Variants in UHRF2 observed in about 807,000 individuals in gnomAD.
UHRF2 encodes E3 ubiquitin-protein ligase UHRF2.
Under a neutral mutation model 96.8 loss-of-function variants are expected in UHRF2, and 23 were observed. The observed-to-expected ratio is 0.24, with a 90% CI of 0.17 to 0.34. The LOEUF (loss-of-function observed/expected upper bound fraction) is 0.34. Among genes scored for constraint, UHRF2 ranks in the 10% least tolerant of loss-of-function variants. The pLI is 1.00. For missense variants in UHRF2, 685 were observed against 981.5 expected, an observed-to-expected ratio of 0.70 and a Z score of 4.04; for synonymous variants, 385 against 332.6, an observed-to-expected ratio of 1.16 and a Z score of -1.72.
intron 4 of UHRF2, chr9:6,468,594 AGTC>A (rs1435610976): frequency 2.2e-6 from 1 of 455,936 alleles, no homozygotes; most frequent in Non-Finnish European, 4.4e-6. Flanking sequence ...GGATGGAAAA[AGTC>A]AGCAGAGTTT....
At chr9:6,426,521 G>A (rs759739548) in intron 2 of UHRF2, among the ~76,000 whole-genome samples, 1 of 152,066 alleles carries the variant, frequency 6.6e-6, no homozygotes, top group Non-Finnish European at 1.5e-5. Context: ...TACTTTTTGG[G>A]GGATGAACCT....
chr9:6,422,467 T>G (rs1046593476), intron 2 of UHRF2, among the ~76,000 whole-genome samples: 1 of 152,238 alleles, frequency 6.6e-6, no homozygotes, highest in Non-Finnish European at 1.5e-5. Context: ...TACAAAAAAC[T>G]GTAGAAATAG....
chr9:6,413,419 C>G lies in UHRF2; in HGVS notation c.-72C>G, dbSNP rs1436204626. 3.1e-6 allele frequency: 4 copies of G among 1,294,984 alleles called. No individual in the cohort carries two copies. The highest frequency in any genetic ancestry group is 3.0e-5 in the East Asian group (1 of 33,768). The allele number at this position is 1,294,984 out of a possible 1,614,324, so 80.2% of individuals were successfully genotyped here. On this transcript the variant is annotated 5_prime_UTR_variant, in exon 1 of 16. Coordinates refer to ENST00000276893, the MANE Select transcript of UHRF2 (RefSeq NM_152896.3). ...GGCCCGAGCCGCAGGGAAAGCGGCG[C>G]GGGCCGGGCGGGGCGCGGCGCCCAG...
intron 3 of UHRF2, among the ~76,000 whole-genome samples, chr9:6,443,631 T>G (rs906274813): frequency 1.3e-5 from 2 of 152,240 alleles, no homozygotes; most frequent in African/African-American, 4.8e-5. Flanking sequence ...AAGTTCTTTT[T>G]CTTGTCCATA....
intron 2 of UHRF2, 58 bp from the exon 3 acceptor site, chr9:6,433,856 G>A: frequency 6.4e-7 from 1 of 1,550,594 alleles, no homozygotes. Flanking sequence ...GTTACATTAA[G>A]GTTTTTGAAG....
intron 3 of UHRF2, 95 bp from the exon 4 acceptor site, chr9:6,460,478 G>A: frequency 1.9e-6 from 2 of 1,036,540 alleles, no homozygotes; most frequent in Non-Finnish European, 2.8e-6. Context: ...CTTTCTCTTA[G>A]ATGATTAACT....
chr9:6,441,340 C>G (rs1217481811), intron 3 of UHRF2, among the ~76,000 whole-genome samples: 18 of 151,680 alleles, frequency 1.2e-4, no homozygotes. Context: ...TGCCATTGTA[C>G]TCCAGCTTGG....
rs191868559 is a variant in UHRF2 at position 6,477,481 on chromosome 9, A to C, written c.974-141A>C. ...GCAGAGGCTGCAGTGAGCCAAGATC[A>C]CGCCATTGCACTCCAGCCTGGGTAA... On this transcript the variant is annotated intron_variant, in intron 5 of 15. Coordinates refer to ENST00000276893, the MANE Select transcript of UHRF2 (RefSeq NM_152896.3). 265 of 670,370 alleles carry C rather than the reference A, an allele frequency of 4.0e-4. 2 individuals are homozygous for C. In the African/African-American group the frequency reaches 4.5e-3, roughly 11 times the overall value. The allele number at this position is 670,370 out of a possible 1,614,324, so 41.5% of individuals were successfully genotyped here.
At chr9:6,448,438 A>T (rs1821651750) in intron 3 of UHRF2, among the ~76,000 whole-genome samples, 1 of 152,218 alleles carries the variant, frequency 6.6e-6, no homozygotes, top group Admixed American at 6.5e-5. Context: ...GTCTCTGTTA[A>T]GTGTATGGAT....
intron 14 of UHRF2, 80 bp from the exon 15 acceptor site, chr9:6,504,513 T>C (rs527779126): frequency 1.1e-6 from 1 of 889,618 alleles, no homozygotes; most frequent in Admixed American, 2.4e-5. Context: ...CTAGCTGTTT[T>C]GAAATACACA....
At chr9:6,446,186 C>G (rs1360127619) in intron 3 of UHRF2, among the ~76,000 whole-genome samples, 3 of 150,506 alleles carry the variant, frequency 2.0e-5, no homozygotes, top group Admixed American at 6.6e-5. Flanking sequence ...CAGTCTTGCT[C>G]TGTCACCAGG....
At chr9:6,497,495 C>G in intron 11 of UHRF2, 135 bp downstream of exon 11, 1 of 971,376 alleles carries the variant, frequency 1.0e-6, no homozygotes, top group Non-Finnish European at 1.5e-6. Context: ...GGAAATTGAA[C>G]AGATGCATAA....
Position 6,502,388 on chromosome 9 carries a change from T to C in UHRF2, c.2163+1679T>C, listed in dbSNP as rs1045992726. Among the ~76,000 whole-genome samples, 4 of 152,344 alleles carry C rather than the reference T, an allele frequency of 2.6e-5. No individual in the cohort carries two copies. In the East Asian group the frequency reaches 7.7e-4, roughly 29 times the overall value. On this transcript the variant is annotated intron_variant, in intron 14 of 15. Coordinates refer to ENST00000276893, the MANE Select transcript of UHRF2 (RefSeq NM_152896.3). ...CTCACTCTTTCATATCCTTTAAGTCTGTATAAATAGATTCCTCAGAGAGAT... is the reference window on the plus strand; with the variant it reads ...CTCACTCTTTCATATCCTTTAAGTCCGTATAAATAGATTCCTCAGAGAGAT...
chr9:6,451,462 TTTTGTTTTTTTTTTTTG>T (rs1821855034), intron 3 of UHRF2, among the ~76,000 whole-genome samples: 3 of 19,108 alleles, frequency 1.6e-4, no homozygotes, highest in African/African-American at 2.1e-4. Flanking sequence ...CCTAGTTTTT[TTTTGTTTTTTTTTTTTG>T]TTTGTTTGTT....
chr9:6,485,828 A>AG (rs1824255449), intron 8 of UHRF2, among the ~76,000 whole-genome samples: 1 of 146,402 alleles, frequency 6.8e-6, no homozygotes, highest in East Asian at 2.0e-4. Flanking sequence ...AAAAAAAAAA[A>AG]CAAAACCCAA....
At position 6,506,365 on chromosome 9, in the gene UHRF2, A is replaced by G. The variant is rs1816583873; in HGVS notation, c.*186A>G. The G allele has an allele frequency of 4.6e-6, 3 of 653,518 alleles. No individual in the cohort carries two copies. The South Asian group carries it at 9.0e-5, about 20-fold the overall frequency. The allele number at this position is 653,518 out of a possible 1,614,324, so 40.5% of individuals were successfully genotyped here. On this transcript the variant is annotated 3_prime_UTR_variant, in exon 16 of 16. Transcript: ENST00000276893. ...CCCATTTCTCAACTGTCTTTTAAAT[A>G]TCTAAAGGTAGTTCCTGTAACAACT... is the stretch of plus-strand genomic sequence containing the variant.
At chr9:6,416,580 TCGCCCAGGCGGGA>T (rs1372481277) in intron 1 of UHRF2, among the ~76,000 whole-genome samples, 4 of 140,110 alleles carry the variant, frequency 2.9e-5, no homozygotes, top group Non-Finnish European at 6.1e-5. Context: ...TCTCGTTCTG[TCGCCCAGGCGGGA>T]GTGCTGTGGC....
intron 4 of UHRF2, chr9:6,468,406 C>G: frequency 2.2e-6 from 1 of 455,770 alleles, no homozygotes; most frequent in South Asian, 1.5e-5. Flanking sequence ...AACTAAATAG[C>G]CCGATCAAAT....
intron 14 of UHRF2, among the ~76,000 whole-genome samples, chr9:6,502,190 C>A (rs578135354): frequency 6.6e-6 from 1 of 152,218 alleles, no homozygotes; most frequent in East Asian, 1.9e-4. Flanking sequence ...TTCCAAAGGC[C>A]CTGTGATCAG....
Sources: allele counts gnomAD v4.1 joint callset (sites outside exome capture counted in the v4.1 genomes callset), GRCh38; gene constraint gnomAD v4.1.1; transcripts MANE v1.5; gene names NCBI Gene and HGNC (gene_info 2026-07-23, HGNC 2026-07-21).